RALGAPA1: variants seen among roughly 807,000 people sequenced by gnomAD.
RALGAPA1 encodes the protein Ral GTPase activating protein catalytic subunit alpha 1, also known as ral GTPase-activating protein subunit alpha-1.
Under a neutral mutation model 269.6 loss-of-function variants are expected in RALGAPA1, and 52 were observed. The ratio of observed to expected loss-of-function variants is 0.19; its 90% confidence interval spans 0.15 to 0.24. The LOEUF is 0.24. RALGAPA1 is among the 10% of genes least tolerant of loss of function. The pLI is 1.00. For missense variants in RALGAPA1, 1,917 were observed against 3,013.9 expected, an observed-to-expected ratio of 0.64 and a Z score of 8.52; for synonymous variants, 817 against 1,008.3, an observed-to-expected ratio of 0.81 and a Z score of 3.60.
At chr14:35,652,276 G>A (rs539764011) in intron 30 of RALGAPA1, among the ~76,000 whole-genome samples, 171 of 152,012 alleles carry the variant, frequency 1.1e-3, no homozygotes, top group Non-Finnish European at 1.9e-3. Flanking sequence ...GAGCTTGGGC[G>A]ACAGAGACCC....
chr14:35,791,402 G>A (rs957854074), intron 1 of RALGAPA1, among the ~76,000 whole-genome samples: 4 of 152,048 alleles, frequency 2.6e-5, no homozygotes, highest in African/African-American at 7.2e-5. Context: ...TCAGAAGTTC[G>A]AGACCAGCCT....
At chr14:35,611,470 C>T (rs1450971293) in intron 35 of RALGAPA1, among the ~76,000 whole-genome samples, 1 of 151,100 alleles carries the variant, frequency 6.6e-6, no homozygotes, top group African/African-American at 2.4e-5. Flanking sequence ...CCACTGCACT[C>T]CAGCCTAGTG....
intron 36 of RALGAPA1, among the ~76,000 whole-genome samples, chr14:35,604,472 T>TA (rs2059468442): frequency 6.6e-6 from 1 of 151,518 alleles, no homozygotes; most frequent in Non-Finnish European, 1.5e-5. Flanking sequence ...AGATTAGCCA[T>TA]AAAAATCTAT....
chr14:35,805,072 G>A (rs890184966), intron 1 of RALGAPA1, among the ~76,000 whole-genome samples: 1 of 152,014 alleles, frequency 6.6e-6, no homozygotes, highest in African/African-American at 2.4e-5. Context: ...CGGATCACGA[G>A]GTCGCGAGTT....
intron 33 of RALGAPA1, among the ~76,000 whole-genome samples, chr14:35,634,217 G>A (rs1395608675): frequency 6.6e-6 from 1 of 151,974 alleles, no homozygotes; most frequent in Non-Finnish European, 1.5e-5. Flanking sequence ...GATGCTCAAA[G>A]GAAATGCTCA....
chr14:35,609,238 AC>A (rs140363949), intron 35 of RALGAPA1, among the ~76,000 whole-genome samples: 1 of 151,800 alleles, frequency 6.6e-6, no homozygotes, highest in Non-Finnish European at 1.5e-5. Flanking sequence ...AAAAAAAAAA[AC>A]CAAAAAACAA....
intron 31 of RALGAPA1, among the ~76,000 whole-genome samples, chr14:35,637,562 C>G (rs1173309485): frequency 6.6e-6 from 1 of 152,048 alleles, no homozygotes; most frequent in Non-Finnish European, 1.5e-5. Context: ...AAGAATAAAA[C>G]ACACCTATAA....
chr14:35,661,491 G>T (rs1329316980), intron 27 of RALGAPA1, among the ~76,000 whole-genome samples: 1 of 152,074 alleles, frequency 6.6e-6, no homozygotes, highest in Non-Finnish European at 1.5e-5. Flanking sequence ...TAGGCAAGAA[G>T]TAAATCAAGA....
intron 35 of RALGAPA1, among the ~76,000 whole-genome samples, chr14:35,615,114 A>T (rs1413425960): frequency 2.6e-5 from 4 of 152,148 alleles, no homozygotes; most frequent in African/African-American, 9.6e-5. Context: ...AGGCAAATGT[A>T]TTAGAAAAAA....
intron 39 of RALGAPA1, among the ~76,000 whole-genome samples, chr14:35,556,020 A>C (rs780398558): frequency 6.6e-6 from 1 of 152,238 alleles, no homozygotes; most frequent in Non-Finnish European, 1.5e-5. Flanking sequence ...TAGTGACTAT[A>C]CTACAGTAAA....
At chr14:35,726,981 T>C (rs2069986108) in intron 13 of RALGAPA1, among the ~76,000 whole-genome samples, 1 of 152,094 alleles carries the variant, frequency 6.6e-6, no homozygotes, top group African/African-American at 2.4e-5. Context: ...TGTAAAGTGC[T>C]TAGAAAGCTA....
rs1430157252 is a variant in RALGAPA1, at chr14:35,750,419, T to C, written c.1011+63A>G. 2.7e-5 allele frequency: 34 copies of C among 1,255,022 alleles called. No homozygotes were observed. The East Asian group carries it at 3.1e-4, about 11-fold the overall frequency. 77.7% of individuals were successfully genotyped at this position (1,255,022 alleles called of 1,614,324 possible). A position where few individuals can be genotyped will look rare whatever the true frequency, so the allele number is the denominator to read the frequency against. On this transcript the variant is annotated intron_variant, in intron 9 of 41. Coordinates refer to ENST00000680220, the MANE Select transcript of RALGAPA1 (RefSeq NM_001346249.2). Reference sequence around the variant, plus strand: ...TACGCTCCACCTAAGGCAACTGAACTCAATGGACTAAATCTCAAAAGCCAT... The same window carrying C: ...TACGCTCCACCTAAGGCAACTGAACCCAATGGACTAAATCTCAAAAGCCAT...
intron 13 of RALGAPA1, 129 bp downstream of exon 13, chr14:35,728,233 T>C (rs2070146675): frequency 1.1e-6 from 1 of 878,378 alleles, no homozygotes; most frequent in African/African-American, 1.7e-5. Context: ...TAATTTTATA[T>C]TTATTCAATA....
chr14:35,600,236 T>C (rs1336562851), intron 36 of RALGAPA1, among the ~76,000 whole-genome samples: 3 of 140,996 alleles, frequency 2.1e-5, no homozygotes, highest in Non-Finnish European at 3.0e-5. Flanking sequence ...TTTTTTCTTT[T>C]TTTTTTTTTT....
chr14:35,793,660 C>A (rs562254900), intron 1 of RALGAPA1, among the ~76,000 whole-genome samples: 1 of 152,216 alleles, frequency 6.6e-6, no homozygotes, highest in Non-Finnish European at 1.5e-5. Context: ...ACAACAACAA[C>A]AAAGGGATGC....
intron 1 of RALGAPA1, among the ~76,000 whole-genome samples, chr14:35,791,653 T>C (rs1179152479): frequency 6.6e-6 from 1 of 151,072 alleles, no homozygotes; most frequent in African/African-American, 2.4e-5. Context: ...ACACCTGTAA[T>C]CCCAACACTT....
intron 35 of RALGAPA1, among the ~76,000 whole-genome samples, chr14:35,624,317 A>T (rs2060856774): frequency 6.6e-6 from 1 of 151,954 alleles, no homozygotes; most frequent in South Asian, 2.1e-4. Context: ...GAGAAAAGCT[A>T]AAAACAACAA....
chr14:35,598,395 A>G (rs771720520), intron 36 of RALGAPA1, among the ~76,000 whole-genome samples: 8 of 142,078 alleles, frequency 5.6e-5, no homozygotes, highest in Non-Finnish European at 8.9e-5. Context: ...GCCAGTCTAT[A>G]TTGTTTTATA....
At chr14:35,728,004 G>A (rs1281245917) in intron 13 of RALGAPA1, among the ~76,000 whole-genome samples, 1 of 152,178 alleles carries the variant, frequency 6.6e-6, no homozygotes, top group Non-Finnish European at 1.5e-5. Context: ...TAAGGATTCA[G>A]GCATTCACAT....
Sources: allele counts gnomAD v4.1 joint callset (sites outside exome capture counted in the v4.1 genomes callset), GRCh38; gene constraint gnomAD v4.1.1; transcripts MANE v1.5; gene names NCBI Gene and HGNC (gene_info 2026-07-23, HGNC 2026-07-21).